The following CDH9 variants were observed in gnomAD, a reference collection of about 807,000 sequenced individuals.
CDH9 encodes the protein cadherin 9.
In CDH9, 28 loss-of-function variants were observed where a neutral mutation model predicts 70.9. The observed-to-expected ratio is 0.40, with a 90% CI of 0.29 to 0.54. CDH9 has a LOEUF of 0.54. Ranked by LOEUF, CDH9 falls within the 20% of genes least tolerant of loss-of-function variation. CDH9 has a pLI of 0.59. For synonymous variants in CDH9, 409 were observed against 343.1 expected (o/e 1.19, Z -2.12); for missense variants, 874 against 984.4 (o/e 0.89, Z 1.50).
At chr5:26,887,520 A>G (rs1579662458) in intron 9 of CDH9, among the ~76,000 whole-genome samples, 1 of 151,392 alleles carries the variant, frequency 6.6e-6, no homozygotes, top group East Asian at 1.9e-4. Flanking sequence ...TTAGCATATA[A>G]TATATCAATA....
At position 26,914,289 on chromosome 5, in the gene CDH9, G is replaced by T. The variant is rs116920979; in HGVS notation, c.523+1341C>A. The stretch of plus-strand genomic sequence containing the variant: ...AATTACTTTAAAATAATCATCAATA[G>T]GAAATTGATGAGTGTAATTTTATAT... On this transcript the variant is annotated intron_variant, in intron 3 of 11. Transcript: ENST00000231021. Among the ~76,000 whole-genome samples, 278 of 151,818 alleles carry T rather than the reference G, an allele frequency of 1.8e-3. 15 individuals are homozygous for T. In the East Asian group the frequency reaches 0.05, roughly 27 times the overall value.
At chr5:26,958,378 C>A (rs1741979656) in intron 2 of CDH9, among the ~76,000 whole-genome samples, 1 of 152,134 alleles carries the variant, frequency 6.6e-6, no homozygotes, top group Admixed American at 6.5e-5. Context: ...ATATCTTACA[C>A]AAGTCTTTCT....
At chr5:26,899,583 A>T (rs1161467390) in intron 7 of CDH9, among the ~76,000 whole-genome samples, 2 of 152,104 alleles carry the variant, frequency 1.3e-5, no homozygotes, top group East Asian at 3.9e-4. Flanking sequence ...TCTCACTCAT[A>T]AATGGAAGTT....
intron 2 of CDH9, among the ~76,000 whole-genome samples, chr5:26,958,939 C>A (rs1043000617): frequency 6.6e-6 from 1 of 152,018 alleles, no homozygotes. Context: ...ATCTTCATGA[C>A]CTGAATTTGG....
chr5:26,910,673 A>T (rs75399540), intron 3 of CDH9, among the ~76,000 whole-genome samples: 1 of 152,132 alleles, frequency 6.6e-6, no homozygotes, highest in Non-Finnish European at 1.5e-5. Context: ...CCTGCCCTGT[A>T]GCCTAAGGCC....
In CDH9 at chr5:26,909,385, T is replaced by G. The variant is rs185722527; in HGVS notation, c.524-2547A>C. On this transcript the variant is annotated intron_variant, in intron 3 of 11. Coordinates refer to ENST00000231021, the MANE Select transcript of CDH9 (RefSeq NM_016279.4). The stretch of plus-strand genomic sequence containing the variant: ...AAATTTTCCAAAATATGTATAATTT[T>G]TATTTGTTCTTTAGTTATTTAAAAT... Among the ~76,000 whole-genome samples the G allele has an allele frequency of 5.3e-5, 8 of 152,182 alleles. No homozygotes were observed. In the East Asian group the frequency reaches 1.5e-3, roughly 29 times the overall value.
intron 3 of CDH9, among the ~76,000 whole-genome samples, chr5:26,909,572 C>T (rs2111996842): frequency 6.8e-6 from 1 of 147,074 alleles, no homozygotes; most frequent in South Asian, 2.1e-4. Context: ...TTTTAGGGTA[C>T]ATGTGCACAT....
At chr5:26,946,840 T>A (rs1262187928) in intron 2 of CDH9, among the ~76,000 whole-genome samples, 1 of 152,220 alleles carries the variant, frequency 6.6e-6, no homozygotes, top group South Asian at 2.1e-4. Context: ...CAAAAATAAA[T>A]GACTACCGAA....
intron 2 of CDH9, among the ~76,000 whole-genome samples, chr5:26,963,032 A>G (rs777736138): frequency 3.6e-4 from 55 of 152,306 alleles, no homozygotes; most frequent in South Asian, 2.3e-3. Flanking sequence ...TAAAACTATA[A>G]AAGAATGTTA....
chr5:26,986,450 T>A (rs1240837375), intron 2 of CDH9, among the ~76,000 whole-genome samples: 1 of 152,148 alleles, frequency 6.6e-6, no homozygotes, highest in Non-Finnish European at 1.5e-5. Context: ...AATTTTAAAC[T>A]ATAATGTATA....
chr5:26,986,508 T>C (rs1241705676), intron 2 of CDH9, among the ~76,000 whole-genome samples: 1 of 152,152 alleles, frequency 6.6e-6, no homozygotes, highest in Non-Finnish European at 1.5e-5. Flanking sequence ...AATTAATTAA[T>C]GTACACTCAA....
Position 26,968,085 on chromosome 5 carries a change from C to T in CDH9, c.228+20021G>A, listed in dbSNP as rs114112377. ...TTTAGAACCTATTGTATTTCAGTAACTATGCTCTACATTATATTTGCAGAG... is the reference window on the plus strand; with the variant it reads ...TTTAGAACCTATTGTATTTCAGTAATTATGCTCTACATTATATTTGCAGAG... On this transcript the variant is annotated intron_variant, in intron 2 of 11. Transcript: ENST00000231021. Among the ~76,000 whole-genome samples, 1,165 of 152,204 alleles carry T rather than the reference C, an allele frequency of 7.7e-3. 6 individuals carry two copies. Among genetic ancestry groups the T allele is most frequent in the Non-Finnish European group, 0.01 (689 of 68,006 alleles).
intron 1 of CDH9, among the ~76,000 whole-genome samples, chr5:26,993,021 G>C (rs141768588): frequency 1.3e-5 from 2 of 151,682 alleles, no homozygotes; most frequent in African/African-American, 4.8e-5. Context: ...ACTTGAACCC[G>C]GGAGGCGGAA....
intron 2 of CDH9, among the ~76,000 whole-genome samples, chr5:26,927,397 TA>T (rs764479346): frequency 4.6e-5 from 7 of 152,030 alleles, no homozygotes; most frequent in Non-Finnish European, 7.4e-5. Flanking sequence ...ACAGAGCAGT[TA>T]AACAAGAGAA....
intron 7 of CDH9, among the ~76,000 whole-genome samples, chr5:26,891,338 C>CA (rs1740656406): frequency 6.6e-6 from 1 of 152,172 alleles, no homozygotes; most frequent in African/African-American, 2.4e-5. Flanking sequence ...AGGGAATTAT[C>CA]CCTGATTATC....
intron 6 of CDH9, chr5:26,903,131 A>G (rs1478976031): frequency 9.8e-6 from 2 of 204,232 alleles, no homozygotes; most frequent in African/African-American, 4.8e-5. Flanking sequence ...CACTTGTGGA[A>G]AGTAAGATAT....
At position 26,881,526 on chromosome 5, in the gene CDH9, G is replaced by A. The variant is rs1447401696; in HGVS notation, c.1980C>T (p.Asn660=). The A allele has an allele frequency of 8.7e-6, 14 of 1,613,526 alleles. No homozygotes were observed. Among genetic ancestry groups the A allele is most frequent in the Non-Finnish European group, 1.2e-5 (14 of 1,179,786 alleles). The part of the protein sequence containing the change: ...DDVRDNIVTY[N]DEGGGEEDTQ... The stretch of plus-strand genomic sequence containing the variant: ...TATCTTCTTCCCCGCCGCCTTCATC[G>A]TTGTAGGTCACAATGTTGTCCCGGA... Residue 660 remains asparagine, a synonymous_variant, in exon 12 of 12, where the codon AAC becomes AAT. Transcript: ENST00000231021.
intron 2 of CDH9, among the ~76,000 whole-genome samples, chr5:26,976,952 T>G (rs753062262): frequency 2.6e-5 from 4 of 152,006 alleles, no homozygotes; most frequent in Non-Finnish European, 4.4e-5. Flanking sequence ...TGCAGATATA[T>G]TATTTGTTTA....
chr5:27,015,951 G>A (rs1365770269), intron 1 of CDH9, among the ~76,000 whole-genome samples: 3 of 151,736 alleles, frequency 2.0e-5, no homozygotes, highest in African/African-American at 7.3e-5. Flanking sequence ...GTCATCATCA[G>A]AACTGACTTA....
Sources: allele counts gnomAD v4.1 joint callset (sites outside exome capture counted in the v4.1 genomes callset), GRCh38; gene constraint gnomAD v4.1.1; transcripts MANE v1.5; gene names NCBI Gene and HGNC (gene_info 2026-07-23, HGNC 2026-07-21).